The following DCAF5 variants were observed in gnomAD, a reference collection of about 807,000 sequenced individuals.
DCAF5 encodes DDB1- and CUL4-associated factor 5.
Under a neutral mutation model 80.7 loss-of-function variants are expected in DCAF5, and 9 were observed. The observed-to-expected ratio is 0.11, with a 90% CI of 0.07 to 0.19. The LOEUF is 0.19. Ranked by LOEUF, DCAF5 falls within the 10% of genes least tolerant of loss-of-function variation. DCAF5 has a pLI of 1.00. For synonymous variants in DCAF5, 433 were observed against 461.9 expected (o/e 0.94, Z 0.80); for missense variants, 842 against 1,205.7 (o/e 0.70, Z 4.47).
At chr14:69,123,127 A>G (rs1218243012) in intron 1 of DCAF5, among the ~76,000 whole-genome samples, 3 of 152,254 alleles carry the variant, frequency 2.0e-5, no homozygotes, top group Non-Finnish European at 4.4e-5. Context: ...TAGCACATCC[A>G]TACAAGGGCA....
intron 1 of DCAF5, among the ~76,000 whole-genome samples, chr14:69,147,769 C>T (rs2041582751): frequency 6.6e-6 from 1 of 152,140 alleles, no homozygotes; most frequent in Non-Finnish European, 1.5e-5. Context: ...GTTGCTCATG[C>T]TATTTGAAAA....
intron 1 of DCAF5, among the ~76,000 whole-genome samples, chr14:69,150,087 G>A (rs2041655196): frequency 6.6e-6 from 1 of 152,182 alleles, no homozygotes; most frequent in Admixed American, 6.5e-5. Flanking sequence ...AGCTAAAAAG[G>A]CTTTAAACCA....
chr14:69,080,754 A>G (rs1385785234), intron 6 of DCAF5, among the ~76,000 whole-genome samples: 3 of 152,112 alleles, frequency 2.0e-5, no homozygotes, highest in Non-Finnish European at 4.4e-5. Context: ...CCTATGTTTC[A>G]TATTTTTTAT....
At chr14:69,067,207 A>G (rs1021147388) in intron 7 of DCAF5, among the ~76,000 whole-genome samples, 1 of 152,158 alleles carries the variant, frequency 6.6e-6, no homozygotes, top group African/African-American at 2.4e-5. Context: ...TAAATATATG[A>G]TGAAATGAAA....
intron 7 of DCAF5, among the ~76,000 whole-genome samples, chr14:69,068,591 A>G (rs1226078691): frequency 6.6e-6 from 1 of 151,806 alleles, no homozygotes; most frequent in Admixed American, 6.6e-5. Context: ...CCAGCTACTC[A>G]GGAGGCTGAG....
intron 6 of DCAF5, among the ~76,000 whole-genome samples, chr14:69,088,732 A>G (rs2039430594): frequency 6.6e-6 from 1 of 152,250 alleles, no homozygotes; most frequent in Non-Finnish European, 1.5e-5. Context: ...TCCAGAACAC[A>G]GAGCCTCAGG....
intron 6 of DCAF5, among the ~76,000 whole-genome samples, chr14:69,087,588 TTATAA>T (rs2039383401): frequency 6.6e-6 from 1 of 152,198 alleles, no homozygotes; most frequent in Admixed American, 6.5e-5. Flanking sequence ...ACTTGAATAA[TTATAA>T]TATACTAGAA....
rs1412193980 is a variant in DCAF5, at chr14:69,153,053, C to T, written c.-75G>A. The T allele has an allele frequency of 6.0e-6, 7 of 1,165,028 alleles. No individual in the cohort carries two copies. Among genetic ancestry groups the T allele is most frequent in the Admixed American group, 3.9e-5 (1 of 25,920 alleles). 72.2% of individuals were successfully genotyped at this position (1,165,028 alleles called of 1,614,324 possible). A position where few individuals can be genotyped will look rare whatever the true frequency, so the allele number is the denominator to read the frequency against. On this transcript the variant is annotated 5_prime_UTR_variant, in exon 1 of 9. Transcript: ENST00000341516. ...CACGCGCGGCCGCTGCTCCCCCCAC[C>T]CGGCCCTCCCCCCGCGCTGCGATCC...
chr14:69,081,375 A>G (rs971500798), intron 6 of DCAF5, among the ~76,000 whole-genome samples: 2 of 152,234 alleles, frequency 1.3e-5, no homozygotes, highest in Non-Finnish European at 2.9e-5. Context: ...GTGTGGACAC[A>G]CATTATCCAT....
rs1244944285 is a variant in DCAF5 at position 69,116,472 on chromosome 14, G to C, written c.559C>G (p.Pro187Ala). The change falls in exon 5 of 9, where the codon CCA becomes GCA. Residue 187 changes from proline to alanine, a missense_variant. Physicochemically the swap from Pro to Ala is conservative, Grantham distance 27. This residue lies in a region of DCAF5 where 142 missense variants were observed against 311.9 expected (regional missense o/e 0.46). Coordinates refer to ENST00000341516, the MANE Select transcript of DCAF5 (RefSeq NM_003861.3). ...HGEPFCLANYPSAFHSVMFNP... is the reference protein window; with the variant it reads ...HGEPFCLANYASAFHSVMFNP... ...AACATGACACTATGAAAGGCTGATG[G>C]ATAGTTTGCCAGGCAGAAGGGCTCT... is the stretch of plus-strand genomic sequence containing the variant. The C allele has an allele frequency of 6.2e-7, 1 of 1,613,414 alleles. No individual in the cohort carries two copies. The highest frequency in any genetic ancestry group is 1.1e-5 in the South Asian group (1 of 91,048).
chr14:69,052,796 G>T lies in DCAF5; in HGVS notation c.*1061C>A, dbSNP rs2037804755. ...GAGAACACCACAGCCTCTATCAACT[G>T]CAAGTCTGAGGGAAGATGCCAGTCC... On this transcript the variant is annotated 3_prime_UTR_variant, in exon 9 of 9. Transcript: ENST00000341516. 1 of 152,262 alleles carries T rather than the reference G, an allele frequency of 6.6e-6. No individual in the cohort carries two copies. The highest frequency in any genetic ancestry group is 2.1e-4 in the South Asian group (1 of 4,838). The allele number at this position is 152,262 out of a possible 1,614,324, so 9.4% of individuals were successfully genotyped here.
At chr14:69,106,777 T>C (rs2040175684) in intron 5 of DCAF5, among the ~76,000 whole-genome samples, 1 of 152,326 alleles carries the variant, frequency 6.6e-6, no homozygotes, top group African/African-American at 2.4e-5. Flanking sequence ...CGGTGGCTCA[T>C]GCCTGTAATT....
chr14:69,083,257 A>C (rs551981145), intron 6 of DCAF5: 9 of 153,398 alleles, frequency 5.9e-5, no homozygotes, highest in African/African-American at 2.2e-4. Flanking sequence ...CATTTTTCTG[A>C]GATGACTGTT....
intron 1 of DCAF5, among the ~76,000 whole-genome samples, chr14:69,142,165 T>C (rs1337882596): frequency 6.6e-6 from 1 of 152,146 alleles, no homozygotes; most frequent in Non-Finnish European, 1.5e-5. Flanking sequence ...CTGGGCACGA[T>C]GGTGCATGCC....
At chr14:69,063,786 C>A (rs1299926919) in intron 7 of DCAF5, among the ~76,000 whole-genome samples, 1 of 152,176 alleles carries the variant, frequency 6.6e-6, no homozygotes. Context: ...CTTATTGCCA[C>A]GTACATATCT....
intron 7 of DCAF5, among the ~76,000 whole-genome samples, chr14:69,062,852 G>A (rs569390821): frequency 6.6e-6 from 1 of 152,292 alleles, no homozygotes; most frequent in African/African-American, 2.4e-5. Context: ...GGCCAACCAT[G>A]AGCAAAATGA....
Position 69,153,101 on chromosome 14 carries a change from G to A in DCAF5, c.-123C>T, listed in dbSNP as rs1420748515. On this transcript the variant is annotated 5_prime_UTR_variant, in exon 1 of 9. Coordinates refer to ENST00000341516, the MANE Select transcript of DCAF5 (RefSeq NM_003861.3). ...TCCGGATGGTTCTTTAACCAGCCAT[G>A]GCAGGCAGAGCGAGGTGTGCAGACA... 3.0e-5 allele frequency: 22 copies of A among 739,760 alleles called. No individual in the cohort carries two copies. The highest frequency in any genetic ancestry group is 4.4e-5 in the Non-Finnish European group (22 of 504,040). The allele number at this position is 739,760 out of a possible 1,614,324, so 45.8% of individuals were successfully genotyped here.
chr14:69,145,317 CTTAAT>C (rs2041505264), intron 1 of DCAF5, among the ~76,000 whole-genome samples: 2 of 152,112 alleles, frequency 1.3e-5, no homozygotes, highest in South Asian at 2.1e-4. Flanking sequence ...TGCACCTGGC[CTTAAT>C]TTACTTAAAA....
chr14:69,063,432 C>A (rs1011258200), intron 7 of DCAF5, among the ~76,000 whole-genome samples: 3 of 152,226 alleles, frequency 2.0e-5, no homozygotes, highest in African/African-American at 7.2e-5. Flanking sequence ...TCAGGACACA[C>A]AGAGAAACAT....
Sources: gnomAD v4.1 joint callset for allele counts (sites outside exome capture counted in the v4.1 genomes callset) on GRCh38, gnomAD v4.1.1 for gene constraint, gnomAD v4.1.1 regional missense constraint, MANE v1.5 for transcripts, NCBI Gene and HGNC (gene_info 2026-07-23, HGNC 2026-07-21) for gene names.